The following RETREG1 variants were observed in gnomAD, a reference collection of about 807,000 sequenced individuals.
RETREG1 encodes reticulophagy regulator 1.
RETREG1 carries 44 observed loss-of-function variants against 54.8 expected under a neutral mutation model. The observed-to-expected ratio is 0.80, with a 90% confidence interval of 0.63 to 1.03. The LOEUF (loss-of-function observed/expected upper bound fraction) is 1.03, where lower values mean the gene tolerates loss of function less well. RETREG1 is among the 50% of genes least tolerant of loss of function. The pLI, the probability that RETREG1 is intolerant of heterozygous loss-of-function variation, is 0.00. For missense variants in RETREG1, 554 were observed against 605.1 expected, an observed-to-expected ratio of 0.92 and a Z score of 0.89; for synonymous variants, 217 against 238.5, an observed-to-expected ratio of 0.91 and a Z score of 0.83.
At chr5:16,592,717 TAAA>T (rs3993837) in intron 1 of RETREG1, among the ~76,000 whole-genome samples, 1 of 149,216 alleles carries the variant, frequency 6.7e-6, no homozygotes, top group Non-Finnish European at 1.5e-5. Context: ...TATGCAGCCA[TAAA>T]AAAAAAAATC....
rs1554026816 is a variant in RETREG1 at position 16,616,930 on chromosome 5, G to A, written c.42C>T (p.Cys14=). ...PAPPEHAEEG[C]PAPAAEEQAP... ...CCTGCTCCTCGGCGGCAGGAGCCGG[G>A]CATCCCTCCTCGGCGTGCTCCGGAG... is the stretch of plus-strand genomic sequence containing the variant. The change falls in exon 1 of 9, where the codon TGC becomes TGT. Residue 14 remains cysteine (C), a synonymous_variant. Coordinates refer to ENST00000306320, the MANE Select transcript of RETREG1 (RefSeq NM_001034850.3). The A allele has an allele frequency of 6.8e-7, 1 of 1,475,396 alleles. No individual in the cohort carries two copies. The highest frequency in any genetic ancestry group is 8.9e-7 in the Non-Finnish European group (1 of 1,119,978). 91.4% of individuals were successfully genotyped at this position (1,475,396 alleles called of 1,614,324 possible).
intron 1 of RETREG1, among the ~76,000 whole-genome samples, chr5:16,604,497 A>T (rs1023926663): frequency 6.6e-6 from 1 of 152,254 alleles, no homozygotes; most frequent in Non-Finnish European, 1.5e-5. Flanking sequence ...CGAAATTGTC[A>T]AAAGAAGAAT....
chr5:16,492,533 A>G (rs1445186173), intron 3 of RETREG1, among the ~76,000 whole-genome samples: 1 of 151,858 alleles, frequency 6.6e-6, no homozygotes, highest in African/African-American at 2.4e-5. Flanking sequence ...AGCTGCTGCA[A>G]CCATCACACC....
At chr5:16,500,259 G>A (rs568232517) in intron 3 of RETREG1, among the ~76,000 whole-genome samples, 1 of 152,326 alleles carries the variant, frequency 6.6e-6, no homozygotes, top group African/African-American at 2.4e-5. Flanking sequence ...TTGTGACCTA[G>A]ATGAATTGTA....
rs911495466 is a variant in RETREG1, at chr5:16,538,894, C to T, written c.458+26869G>A. On this transcript the variant is annotated intron_variant, in intron 3 of 8. Transcript: ENST00000306320. ...TAATTTTTTGTATTTTTAGTAGAAA[C>T]GGGGTTTCAACATGTTAGCCAGGAT... Among the ~76,000 whole-genome samples, 10 of 152,160 alleles carry T rather than the reference C, an allele frequency of 6.6e-5. 1 individual carries two copies. The highest frequency in any genetic ancestry group is 5.9e-4 in the Admixed American group (9 of 15,284).
At chr5:16,488,822 C>A (rs1419626596) in intron 3 of RETREG1, among the ~76,000 whole-genome samples, 1 of 151,974 alleles carries the variant, frequency 6.6e-6, no homozygotes, top group African/African-American at 2.4e-5. Context: ...TGGTGGCTCA[C>A]GCCTATAATC....
chr5:16,517,441 C>G (rs755338008), intron 3 of RETREG1, among the ~76,000 whole-genome samples: 1 of 152,116 alleles, frequency 6.6e-6, no homozygotes, highest in East Asian at 1.9e-4. Flanking sequence ...TAGAATACAG[C>G]GTATTAATAT....
intron 3 of RETREG1, among the ~76,000 whole-genome samples, chr5:16,541,404 T>C (rs1054293277): frequency 6.6e-6 from 1 of 152,158 alleles, no homozygotes; most frequent in Non-Finnish European, 1.5e-5. Flanking sequence ...GAAATACAGA[T>C]AGAAGATAGG....
At chr5:16,565,712 C>G in intron 3 of RETREG1, 51 bp downstream of exon 3, 1 of 1,593,336 alleles carries the variant, frequency 6.3e-7, no homozygotes, top group Non-Finnish European at 8.6e-7. Flanking sequence ...GGCTCAGTCC[C>G]CTCCCTCACC....
chr5:16,524,494 A>C (rs1300116984), intron 3 of RETREG1, among the ~76,000 whole-genome samples: 16 of 152,168 alleles, frequency 1.1e-4, no homozygotes, highest in Admixed American at 1.0e-3. Context: ...ACATCCATCT[A>C]CTTTCAGCAT....
chr5:16,491,505 T>C (rs1372419748), intron 3 of RETREG1, among the ~76,000 whole-genome samples: 1 of 152,126 alleles, frequency 6.6e-6, no homozygotes, highest in Admixed American at 6.5e-5. Context: ...TAATTAACAG[T>C]GGTTATTTGG....
At chr5:16,573,358 T>C (rs1175168283) in intron 1 of RETREG1, among the ~76,000 whole-genome samples, 2 of 152,152 alleles carry the variant, frequency 1.3e-5, no homozygotes, top group Non-Finnish European at 2.9e-5. Flanking sequence ...TTTTTGGGTG[T>C]GTTTGTAAAG....
rs2126388082 is a variant in RETREG1, at chr5:16,616,809, A to G, written c.163T>C (p.Leu55=). The change falls in exon 1 of 9, where the codon TTG becomes CTG. Residue 55 remains leucine, a synonymous_variant. Transcript: ENST00000306320. ...CGGCCCGCGGCCTCCTCCACCTGCA[A>G]CCCCGCGCCCTCCGCCGCCCCAGCT... ...QEAGAAEGAG[L]QVEEAAGRAA... The G allele has an allele frequency of 6.6e-7, 1 of 1,519,636 alleles. No individual in the cohort carries two copies. The highest frequency in any genetic ancestry group is 8.8e-7 in the Non-Finnish European group (1 of 1,140,902). 94.1% of individuals were successfully genotyped at this position (1,519,636 alleles called of 1,614,324 possible).
At chr5:16,483,956 G>A (rs145719099) in intron 3 of RETREG1, among the ~76,000 whole-genome samples, 2,662 of 152,140 alleles carry the variant, frequency 0.017, 36 homozygotes, top group Non-Finnish European at 0.025. Context: ...TGTTAGAAAC[G>A]TCTTAAACCT....
In RETREG1 at chr5:16,474,809, G is replaced by A. The variant is rs761585250; in HGVS notation, c.1426C>T (p.Gln476Ter). Reference sequence around the variant, plus strand: ...TTATTTTGCTGTGCTTCTGCTTCCTGGTCTTGTGTAAGTCCCAATTCACTC... The same window carrying A: ...TTATTTTGCTGTGCTTCTGCTTCCTAGTCTTGTGTAAGTCCCAATTCACTC... ...IESELGLTQD[Q>*]EAEAQQNKKS... Residue 476 changes from glutamine (Q) to a stop codon, truncating the protein, a stop_gained, in exon 9 of 9, where the codon CAG (glutamine) becomes TAG (stop). Coordinates refer to ENST00000306320, the MANE Select transcript of RETREG1 (RefSeq NM_001034850.3). LOFTEE classifies it high-confidence loss of function. 6 of 1,613,388 alleles carry A rather than the reference G, an allele frequency of 3.7e-6. No homozygotes were observed. Among genetic ancestry groups the A allele is most frequent in the South Asian group, 1.1e-5 (1 of 91,064 alleles).
chr5:16,552,139 T>C (rs1741562291), intron 3 of RETREG1, among the ~76,000 whole-genome samples: 1 of 152,196 alleles, frequency 6.6e-6, no homozygotes, highest in South Asian at 2.1e-4. Context: ...GATGGGACTA[T>C]TCAGCCTGCC....
intron 6 of RETREG1, 29 bp downstream of exon 6, chr5:16,478,821 A>G (rs772338562): frequency 4.4e-6 from 7 of 1,603,016 alleles, no homozygotes; most frequent in Non-Finnish European, 6.0e-6. Flanking sequence ...CATTTCATGC[A>G]TAGAATCTAA....
At position 16,473,770 on chromosome 5, in the gene RETREG1, C is replaced by G. The variant is rs1048039059; in HGVS notation, c.*971G>C. The stretch of plus-strand genomic sequence containing the variant: ...ATGGCAAATAAATATATTTTAAAGC[C>G]AAGCAAGTTCCTCTCCTCTATACAG... On this transcript the variant is annotated 3_prime_UTR_variant, in exon 9 of 9. Transcript: ENST00000306320. 1 of 152,060 alleles carries G rather than the reference C, an allele frequency of 6.6e-6. No individual in the cohort carries two copies. The highest frequency in any genetic ancestry group is 2.4e-5 in the African/African-American group (1 of 41,414). 9.4% of individuals were successfully genotyped at this position (152,060 alleles called of 1,614,324 possible).
intron 1 of RETREG1, among the ~76,000 whole-genome samples, chr5:16,603,158 C>A (rs1743091825): frequency 6.6e-6 from 1 of 152,112 alleles, no homozygotes; most frequent in South Asian, 2.1e-4. Flanking sequence ...TAATTAAAAA[C>A]CCAGTGGAAT....
Sources: allele counts gnomAD v4.1 joint callset (sites outside exome capture counted in the v4.1 genomes callset), GRCh38; gene constraint gnomAD v4.1.1; transcripts MANE v1.5; gene names NCBI Gene and HGNC (gene_info 2026-07-23, HGNC 2026-07-21).